The following CADM1 variants were observed in gnomAD, a reference collection of about 807,000 sequenced individuals.
CADM1 encodes TSLC-1.
Under a neutral mutation model 53.1 loss-of-function variants are expected in CADM1, and 15 were observed. That is an observed-to-expected ratio of 0.28 (90% confidence interval 0.19 to 0.44). CADM1 has a LOEUF of 0.44. Ranked by LOEUF, CADM1 falls within the 20% of genes least tolerant of loss-of-function variation. CADM1 has a pLI of 1.00. For synonymous variants in CADM1, 281 were observed against 243.0 expected (o/e 1.16, Z -1.45); for missense variants, 434 against 611.3 (o/e 0.71, Z 3.06).
At chr11:115,247,860 C>A (rs1373632307) in intron 1 of CADM1, among the ~76,000 whole-genome samples, 1 of 152,212 alleles carries the variant, frequency 6.6e-6, no homozygotes, top group Non-Finnish European at 1.5e-5. Flanking sequence ...AGATTTTTGA[C>A]AATTCCGCCC....
intron 1 of CADM1, among the ~76,000 whole-genome samples, chr11:115,244,210 A>G (rs1591637855): frequency 6.6e-6 from 1 of 152,384 alleles, no homozygotes; most frequent in East Asian, 1.9e-4. Context: ...AAGATAAAAT[A>G]TATTTTTATG....
At position 115,431,946 on chromosome 11, in the gene CADM1, T is replaced by C. The variant is rs1434126027; in HGVS notation, c.124+72325A>G. 2.0e-5 allele frequency among the ~76,000 whole-genome samples: 3 copies of C among 151,054 alleles called. No homozygotes were observed. The Admixed American group carries it at 2.0e-4, about 10-fold the overall frequency. On this transcript the variant is annotated intron_variant, in intron 1 of 11. Transcript: ENST00000331581. ...TATATATAAAACCATATATATAATA[T>C]ATATAATACCATATTTTGAGACAGA...
chr11:115,241,684 G>A (rs369606338), intron 1 of CADM1, among the ~76,000 whole-genome samples: 1 of 152,098 alleles, frequency 6.6e-6, no homozygotes, highest in East Asian at 1.9e-4. Context: ...CATCATCATC[G>A]TCATCATTTC....
At chr11:115,318,164 A>G (rs1944723927) in intron 1 of CADM1, among the ~76,000 whole-genome samples, 2 of 152,208 alleles carry the variant, frequency 1.3e-5, no homozygotes, top group Non-Finnish European at 1.5e-5. Context: ...TACTTTCAGA[A>G]CTGCTGAACA....
intron 1 of CADM1, among the ~76,000 whole-genome samples, chr11:115,244,864 T>C (rs1218312396): frequency 2.0e-5 from 3 of 152,226 alleles, no homozygotes; most frequent in Non-Finnish European, 4.4e-5. Flanking sequence ...AGACCTTGTT[T>C]ACTACTGCTT....
At chr11:115,218,050 G>A (rs1941261441) in intron 5 of CADM1, 59 bp from the exon 6 acceptor site, 2 of 1,225,644 alleles carry the variant, frequency 1.6e-6, no homozygotes, top group Non-Finnish European at 2.4e-6. Context: ...GGCAAAATCA[G>A]ACTCACACAC....
intron 1 of CADM1, among the ~76,000 whole-genome samples, chr11:115,252,697 G>T (rs987398882): frequency 1.3e-5 from 2 of 152,012 alleles, no homozygotes; most frequent in African/African-American, 4.8e-5. Flanking sequence ...TGTGAAGGGT[G>T]CCTAGTGTTA....
chr11:115,322,488 C>T (rs1049438205), intron 1 of CADM1, among the ~76,000 whole-genome samples: 2 of 152,144 alleles, frequency 1.3e-5, no homozygotes, highest in African/African-American at 4.8e-5. Flanking sequence ...TAGAGTTGTG[C>T]AACTATCACT....
chr11:115,417,182 C>T (rs1947618763), intron 1 of CADM1, among the ~76,000 whole-genome samples: 1 of 152,184 alleles, frequency 6.6e-6, no homozygotes, highest in East Asian at 1.9e-4. Flanking sequence ...CAATTTCCCA[C>T]AGTAGCTCAT....
intron 1 of CADM1, among the ~76,000 whole-genome samples, chr11:115,472,671 C>G (rs530822480): frequency 3.9e-5 from 6 of 152,304 alleles, no homozygotes; most frequent in African/African-American, 1.4e-4. Context: ...CATGAGCCCT[C>G]TGGATGCAAA....
At chr11:115,332,381 C>A (rs1945154694) in intron 1 of CADM1, among the ~76,000 whole-genome samples, 1 of 151,882 alleles carries the variant, frequency 6.6e-6, no homozygotes, top group Non-Finnish European at 1.5e-5. Context: ...GTGTGCACAG[C>A]CAAAGTGAAA....
intron 1 of CADM1, among the ~76,000 whole-genome samples, chr11:115,456,291 A>G (rs1948682148): frequency 6.6e-6 from 1 of 152,092 alleles, no homozygotes; most frequent in African/African-American, 2.4e-5. Context: ...TCTGTAAGAC[A>G]TTTTAAAAGA....
At chr11:115,404,815 C>T (rs1947271655) in intron 1 of CADM1, among the ~76,000 whole-genome samples, 4 of 142,758 alleles carry the variant, frequency 2.8e-5, no homozygotes, top group African/African-American at 1.1e-4. Context: ...ACACTCCAGC[C>T]TGGGCAACAG....
intron 1 of CADM1, among the ~76,000 whole-genome samples, chr11:115,453,530 G>A (rs937221266): frequency 1.3e-5 from 2 of 152,068 alleles, no homozygotes; most frequent in African/African-American, 4.8e-5. Flanking sequence ...ACAGAGTCTT[G>A]CTCTGTCACC....
chr11:115,325,570 T>C (rs557005168), intron 1 of CADM1, among the ~76,000 whole-genome samples: 1 of 152,216 alleles, frequency 6.6e-6, no homozygotes, highest in Non-Finnish European at 1.5e-5. Flanking sequence ...CAGCCAAGAC[T>C]GACTTCTACT....
chr11:115,206,788 T>TTTTTTTTTTTTTC lies in CADM1; in HGVS notation c.1078+2785_1078+2786insGAAAAAAAAAAAA, dbSNP rs1565297529. ...TTTTTTTTTTTTTTTTTTTTTTTTT[T>TTTTTTTTTTTTTC]TAAGCTCAGGCTTTATGTTACTGTC... On this transcript the variant is annotated intron_variant, in intron 8 of 11. Coordinates refer to ENST00000331581, the MANE Select transcript of CADM1 (RefSeq NM_001301043.2). 1.4e-5 allele frequency among the ~76,000 whole-genome samples: 2 copies of TTTTTTTTTTTTTC among 143,230 alleles called. 1 individual carries two copies. Among genetic ancestry groups the TTTTTTTTTTTTTC allele is most frequent in the Non-Finnish European group, 3.0e-5 (2 of 66,410 alleles). 94.0% of individuals were successfully genotyped at this position (143,230 alleles called of 152,430 possible).
chr11:115,249,440 T>A (rs79963869), intron 1 of CADM1, among the ~76,000 whole-genome samples: 3,502 of 152,364 alleles, frequency 0.023, 56 homozygotes, highest in Non-Finnish European at 0.033. Context: ...TCCGGTGTTG[T>A]TGGTCACAGG....
At chr11:115,475,132 A>G (rs1313483120) in intron 1 of CADM1, among the ~76,000 whole-genome samples, 1 of 152,102 alleles carries the variant, frequency 6.6e-6, no homozygotes, top group African/African-American at 2.4e-5. Context: ...ATGGTATACT[A>G]TTTGCATAGA....
intron 1 of CADM1, among the ~76,000 whole-genome samples, chr11:115,335,424 T>C (rs759602240): frequency 1.3e-5 from 2 of 152,146 alleles, no homozygotes; most frequent in African/African-American, 2.4e-5. Context: ...ATTGTTTATG[T>C]TGAAGTATAT....
Sources: gnomAD v4.1 joint callset for allele counts (sites outside exome capture counted in the v4.1 genomes callset) on GRCh38, gnomAD v4.1.1 for gene constraint, MANE v1.5 for transcripts, NCBI Gene and HGNC (gene_info 2026-07-23, HGNC 2026-07-21) for gene names.